Variants in SEMA3C observed in about 807,000 individuals in gnomAD.
SEMA3C encodes semaphorin-3C.
In SEMA3C, 47 loss-of-function variants were observed where a neutral mutation model predicts 89.4. The observed-to-expected ratio is 0.53, with a 90% CI of 0.42 to 0.67. The LOEUF (loss-of-function observed/expected upper bound fraction) is 0.67. Among genes scored for constraint, SEMA3C ranks in the 30% least tolerant of loss-of-function variants. SEMA3C has a pLI of 0.00. For missense variants in SEMA3C, 839 were observed against 929.1 expected, an observed-to-expected ratio of 0.90 and a Z score of 1.26; for synonymous variants, 310 against 320.2, an observed-to-expected ratio of 0.97 and a Z score of 0.34.
chr7:80,882,601 C>G (rs1031585203), intron 2 of SEMA3C, among the ~76,000 whole-genome samples: 1 of 151,936 alleles, frequency 6.6e-6, no homozygotes, highest in Non-Finnish European at 1.5e-5. Context: ...TTCAGCTCAA[C>G]AGGCACACTA....
rs1422192216 is a variant in SEMA3C at position 80,914,779 on chromosome 7, T to G, written c.103+1900A>C. 2.0e-5 allele frequency among the ~76,000 whole-genome samples: 3 copies of G among 152,096 alleles called. No homozygotes were observed. The East Asian group carries it at 5.8e-4, about 29-fold the overall frequency. On this transcript the variant is annotated intron_variant, in intron 2 of 17. Transcript: ENST00000265361. ...CAAGGCAAGTCTTATTCTGCAAGAATCTGTTTTAAGTTTGAGTGCATTTAA... is the reference window on the plus strand; with the variant it reads ...CAAGGCAAGTCTTATTCTGCAAGAAGCTGTTTTAAGTTTGAGTGCATTTAA...
intron 2 of SEMA3C, among the ~76,000 whole-genome samples, chr7:80,863,849 TCACATAC>T (rs1583955203): frequency 2.7e-5 from 4 of 147,434 alleles, no homozygotes; most frequent in African/African-American, 9.9e-5. Flanking sequence ...ATATCACATA[TCACATAC>T]ATATGTATCA....
chr7:80,812,848 G>A (rs1275720476), intron 5 of SEMA3C, among the ~76,000 whole-genome samples: 3 of 151,926 alleles, frequency 2.0e-5, no homozygotes, highest in African/African-American at 7.3e-5. Flanking sequence ...GTGCAGTGGT[G>A]CGATCTCGGC....
intron 16 of SEMA3C, among the ~76,000 whole-genome samples, chr7:80,750,501 CAT>C (rs1219025812): frequency 1.2e-3 from 158 of 135,912 alleles, no homozygotes; most frequent in African/African-American, 3.4e-3. Flanking sequence ...CACACACACA[CAT>C]ACACACACAC....
rs182134853 is a variant in SEMA3C at position 80,805,844 on chromosome 7, C to G, written c.539-86G>C. Reference sequence around the variant, plus strand: ...GAGTTTATTTATTAGGAGATCACCACAGGTATTACAGTGTTATGATAATTG... The same window carrying G: ...GAGTTTATTTATTAGGAGATCACCAGAGGTATTACAGTGTTATGATAATTG... On this transcript the variant is annotated intron_variant, in intron 6 of 17. Coordinates refer to ENST00000265361, the MANE Select transcript of SEMA3C (RefSeq NM_006379.5). 393 of 814,204 alleles carry G rather than the reference C, an allele frequency of 4.8e-4. 1 individual carries two copies. The African/African-American group carries it at 5.8e-3, about 12-fold the overall frequency. 50.4% of individuals were successfully genotyped at this position (814,204 alleles called of 1,614,324 possible). A position where few individuals can be genotyped will look rare whatever the true frequency, so the allele number is the denominator to read the frequency against.
chr7:80,771,378 AAC>A (rs1490310796), intron 12 of SEMA3C, among the ~76,000 whole-genome samples: 1 of 152,244 alleles, frequency 6.6e-6, no homozygotes, highest in African/African-American at 2.4e-5. Context: ...GCACAAAGGT[AAC>A]ACAGCAGACT....
At chr7:80,843,820 A>C (rs934905421) in intron 2 of SEMA3C, among the ~76,000 whole-genome samples, 1 of 152,244 alleles carries the variant, frequency 6.6e-6, no homozygotes, top group African/African-American at 2.4e-5. Context: ...TAAGAAAAAT[A>C]ATTTTTATTA....
chr7:80,812,786 GTTGT>G (rs1789499355), intron 5 of SEMA3C, among the ~76,000 whole-genome samples: 1 of 151,650 alleles, frequency 6.6e-6, no homozygotes, highest in Non-Finnish European at 1.5e-5. Flanking sequence ...TGTTGTTGTT[GTTGT>G]TTGTTTGTCT....
chr7:80,748,983 T>C lies in SEMA3C; in HGVS notation c.1757A>G (p.Asn586Ser), dbSNP rs778515733. The C allele has an allele frequency of 2.5e-6, 4 of 1,613,358 alleles. No homozygotes were observed. In the East Asian group the frequency reaches 8.9e-5, roughly 36 times the overall value. ...AEIVQYGVKNNTTFLECAPKS... is the reference protein window; with the variant it reads ...AEIVQYGVKNSTTFLECAPKS... ...GGGGGCACACTCCAGAAAAGTGGTG[T>C]TATTTTTTACTCCATACTGGACAAT... The change falls in exon 17 of 18, where the codon AAC (asparagine) becomes AGC (serine). Residue 586 changes from asparagine to serine, a missense_variant. Coordinates refer to ENST00000265361, the MANE Select transcript of SEMA3C (RefSeq NM_006379.5).
chr7:80,832,211 T>C (rs528436832), intron 2 of SEMA3C, among the ~76,000 whole-genome samples: 1 of 152,216 alleles, frequency 6.6e-6, no homozygotes, highest in African/African-American at 2.4e-5. Context: ...CAGTTTGACA[T>C]TGTGAAGAGA....
intron 4 of SEMA3C, 31 bp downstream of exon 4, chr7:80,827,394 T>TTTG: frequency 2.3e-6 from 1 of 430,422 alleles, no homozygotes; most frequent in Non-Finnish European, 3.0e-6. Context: ...AAGTTAGTGT[T>TTTG]TTTTTTTTTT....
At chr7:80,749,411 T>C (rs1418630392) in intron 16 of SEMA3C, among the ~76,000 whole-genome samples, 4 of 152,188 alleles carry the variant, frequency 2.6e-5, no homozygotes, top group Non-Finnish European at 5.9e-5. Flanking sequence ...AAATACACTT[T>C]AGTGAATGTG....
Position 80,837,667 on chromosome 7 carries a change from A to C in SEMA3C, c.104-8922T>G, listed in dbSNP as rs117619689. The stretch of plus-strand genomic sequence containing the variant: ...GTACATGTTGTTCCTCTTGCTTATA[A>C]AATTCTTCCTGCCTTTTTCTAATTC... On this transcript the variant is annotated intron_variant, in intron 2 of 17. Coordinates refer to ENST00000265361, the MANE Select transcript of SEMA3C (RefSeq NM_006379.5). Among the ~76,000 whole-genome samples, 114 of 152,322 alleles carry C rather than the reference A, an allele frequency of 7.5e-4. 2 individuals carry two copies. In the East Asian group the frequency reaches 0.02, roughly 27 times the overall value.
intron 2 of SEMA3C, among the ~76,000 whole-genome samples, chr7:80,846,488 C>A (rs1790393594): frequency 6.6e-6 from 1 of 152,158 alleles, no homozygotes; most frequent in Non-Finnish European, 1.5e-5. Flanking sequence ...TCCTGAGTAC[C>A]TAGGACTACG....
intron 2 of SEMA3C, among the ~76,000 whole-genome samples, chr7:80,835,325 T>C (rs78550972): frequency 0.043 from 6,497 of 152,272 alleles, 198 homozygotes; most frequent in Non-Finnish European, 0.065. Flanking sequence ...TTACCTAACA[T>C]TCTGTTATTC....
At chr7:80,853,614 G>C (rs1790567285) in intron 2 of SEMA3C, among the ~76,000 whole-genome samples, 1 of 152,180 alleles carries the variant, frequency 6.6e-6, no homozygotes, top group Admixed American at 6.5e-5. Context: ...GTCACCAGAA[G>C]CTGGGAGGGT....
At chr7:80,896,196 A>C (rs1791733449) in intron 2 of SEMA3C, among the ~76,000 whole-genome samples, 1 of 152,200 alleles carries the variant, frequency 6.6e-6, no homozygotes, top group Non-Finnish European at 1.5e-5. Flanking sequence ...ATAGCCCTAC[A>C]ACTGTAAACA....
chr7:80,908,921 A>G (rs1345950933), intron 2 of SEMA3C, among the ~76,000 whole-genome samples: 1 of 152,236 alleles, frequency 6.6e-6, no homozygotes, highest in East Asian at 1.9e-4. Context: ...TTAAAATAAG[A>G]AAACATATAA....
chr7:80,838,595 C>T (rs908031528), intron 2 of SEMA3C, among the ~76,000 whole-genome samples: 1 of 152,156 alleles, frequency 6.6e-6, no homozygotes, highest in African/African-American at 2.4e-5. Flanking sequence ...TTTCACACTG[C>T]TACAAAGATA....
Sources: gnomAD v4.1 joint callset for allele counts (sites outside exome capture counted in the v4.1 genomes callset) on GRCh38, gnomAD v4.1.1 for gene constraint, MANE v1.5 for transcripts, NCBI Gene and HGNC (gene_info 2026-07-23, HGNC 2026-07-21) for gene names.